HPSE2: variants seen among roughly 807,000 people sequenced by gnomAD.
HPSE2 encodes the protein heparanase 2 (inactive), also known as inactive heparanase-2.
In HPSE2, 38 loss-of-function variants were observed where a neutral mutation model predicts 60.5. The ratio of observed to expected loss-of-function variants is 0.63; its 90% confidence interval spans 0.48 to 0.82. The LOEUF (loss-of-function observed/expected upper bound fraction) is 0.82. HPSE2 is among the 40% of genes least tolerant of loss of function. HPSE2 has a pLI of 0.00. For missense variants in HPSE2, 713 were observed against 740.4 expected (o/e 0.96, Z 0.43); for synonymous variants, 295 against 293.2 (o/e 1.01, Z -0.06).
intron 2 of HPSE2, among the ~76,000 whole-genome samples, chr10:99,222,435 T>A (rs1849345439): frequency 6.6e-6 from 1 of 152,196 alleles, no homozygotes; most frequent in South Asian, 2.1e-4. Context: ...TTTCTTGAAA[T>A]CTCACCTTTA....
At chr10:99,038,228 C>T (rs1055662409) in intron 3 of HPSE2, among the ~76,000 whole-genome samples, 1 of 152,090 alleles carries the variant, frequency 6.6e-6, no homozygotes, top group Non-Finnish European at 1.5e-5. Flanking sequence ...CACACAATTG[C>T]TCATAATTTG....
At chr10:98,809,961 T>C (rs1218166255) in intron 3 of HPSE2, among the ~76,000 whole-genome samples, 3 of 152,134 alleles carry the variant, frequency 2.0e-5, no homozygotes, top group East Asian at 1.9e-4. Flanking sequence ...CGGAAAACCA[T>C]AGAAGATTTT....
chr10:99,028,249 A>G (rs1305913074), intron 3 of HPSE2, among the ~76,000 whole-genome samples: 1 of 152,198 alleles, frequency 6.6e-6, no homozygotes, highest in Non-Finnish European at 1.5e-5. Flanking sequence ...GGAAAAAACT[A>G]AAGACTCCAC....
At chr10:98,823,126 T>C (rs572122716) in intron 3 of HPSE2, among the ~76,000 whole-genome samples, 1 of 152,226 alleles carries the variant, frequency 6.6e-6, no homozygotes, top group South Asian at 2.1e-4. Flanking sequence ...AGCCAAAGAA[T>C]GTAGGCAGCC....
chr10:98,720,540 G>T (rs1046159786), intron 5 of HPSE2, among the ~76,000 whole-genome samples: 3 of 151,938 alleles, frequency 2.0e-5, no homozygotes, highest in African/African-American at 7.3e-5. Flanking sequence ...TGATGAAATT[G>T]TTCTGAAAAA....
At chr10:99,279,929 G>A in the HPSE2 span, among the ~76,000 whole-genome samples, 1 of 152,196 alleles carries the variant, frequency 6.6e-6, no homozygotes, top group Admixed American at 6.5e-5. Flanking sequence ...ATATTTTTAA[G>A]TTGATGTCAG....
intron 3 of HPSE2, among the ~76,000 whole-genome samples, chr10:98,852,884 AC>A (rs1315682314): frequency 2.6e-5 from 4 of 152,208 alleles, no homozygotes; most frequent in Non-Finnish European, 5.9e-5. Flanking sequence ...TACACCTGCC[AC>A]TAGGGGCTTG....
intron 3 of HPSE2, among the ~76,000 whole-genome samples, chr10:98,796,380 C>G (rs1321650687): frequency 1.3e-5 from 2 of 152,172 alleles, no homozygotes; most frequent in East Asian, 1.9e-4. Flanking sequence ...TCAGCAGTGG[C>G]CTGGCAGAAC....
chr10:98,817,577 G>C (rs1214309204), intron 3 of HPSE2, among the ~76,000 whole-genome samples: 1 of 152,068 alleles, frequency 6.6e-6, no homozygotes, highest in Non-Finnish European at 1.5e-5. Context: ...AACCAAAAGA[G>C]AAAGAAAAAG....
chr10:99,041,726 G>T (rs1183631820), intron 3 of HPSE2, among the ~76,000 whole-genome samples: 1 of 152,164 alleles, frequency 6.6e-6, no homozygotes, highest in Non-Finnish European at 1.5e-5. Context: ...ACAGCCAACT[G>T]GCCTGGGCCC....
intron 3 of HPSE2, among the ~76,000 whole-genome samples, chr10:99,033,124 G>T (rs1266914049): frequency 6.6e-6 from 1 of 152,074 alleles, no homozygotes; most frequent in African/African-American, 2.4e-5. Flanking sequence ...TTTCAAAAAG[G>T]TATGTAGAAA....
chr10:98,739,364 T>C (rs998829491), intron 4 of HPSE2, among the ~76,000 whole-genome samples: 2 of 151,212 alleles, frequency 1.3e-5, no homozygotes, highest in African/African-American at 4.9e-5. Flanking sequence ...GACAAATACC[T>C]AGTGTAGATG....
intron 3 of HPSE2, among the ~76,000 whole-genome samples, chr10:99,104,886 G>T (rs1844173737): frequency 6.6e-6 from 1 of 152,002 alleles, no homozygotes; most frequent in African/African-American, 2.4e-5. Flanking sequence ...CACAGGAAGG[G>T]GAACATCACA....
intron 5 of HPSE2, among the ~76,000 whole-genome samples, chr10:98,699,597 T>C (rs1459625433): frequency 4.8e-5 from 6 of 126,078 alleles, no homozygotes; most frequent in Non-Finnish European, 3.4e-5. Flanking sequence ...AGAGATGCCC[T>C]CTCTCACCAC....
At chr10:98,474,762 T>G (rs1272755048) in intron 11 of HPSE2, among the ~76,000 whole-genome samples, 7 of 152,284 alleles carry the variant, frequency 4.6e-5, no homozygotes, top group Admixed American at 3.9e-4. Flanking sequence ...AATTTAAACA[T>G]TAATATGGAA....
At chr10:98,913,361 C>G (rs1389431896) in intron 3 of HPSE2, among the ~76,000 whole-genome samples, 1 of 152,170 alleles carries the variant, frequency 6.6e-6, no homozygotes, top group Non-Finnish European at 1.5e-5. Flanking sequence ...TCAATCAACA[C>G]TTTATTTATC....
chr10:98,608,975 A>G (rs1382372677), intron 9 of HPSE2, among the ~76,000 whole-genome samples: 1 of 152,156 alleles, frequency 6.6e-6, no homozygotes, highest in Non-Finnish European at 1.5e-5. Context: ...GCAATGGGAA[A>G]AGTTTTCTTA....
intron 9 of HPSE2, among the ~76,000 whole-genome samples, chr10:98,523,864 TC>T (rs1445044755): frequency 6.6e-6 from 1 of 152,212 alleles, no homozygotes; most frequent in Admixed American, 6.5e-5. Context: ...TGGCAGAGTC[TC>T]CTCCTATCTT....
chr10:98,953,706 G>A (rs1955432235), intron 3 of HPSE2, among the ~76,000 whole-genome samples: 1 of 152,088 alleles, frequency 6.6e-6, no homozygotes, highest in Admixed American at 6.5e-5. Flanking sequence ...AGGCATCATG[G>A]GGATGGTATA....
Sources: allele counts gnomAD v4.1 joint callset (sites outside exome capture counted in the v4.1 genomes callset), GRCh38; gene constraint gnomAD v4.1.1; transcripts MANE v1.5; gene names NCBI Gene and HGNC (gene_info 2026-07-23, HGNC 2026-07-21).